Variants in RIT2 observed in about 807,000 individuals in gnomAD.
RIT2 encodes GTP-binding protein Rit2.
RIT2 carries 24 observed loss-of-function variants against 23.7 expected under a neutral mutation model. The ratio of observed to expected loss-of-function variants is 1.01; its 90% CI spans 0.73 to 1.43. RIT2 has a LOEUF of 1.43. Among genes scored for constraint, RIT2 ranks in the 40% most tolerant of loss-of-function variants. The probability of loss-of-function intolerance (pLI) is 0.00; values close to 1 mark genes in which losing one functional copy is unlikely to be tolerated. For synonymous variants in RIT2, 107 were observed against 91.1 expected, an observed-to-expected ratio of 1.17 and a Z score of -0.99; for missense variants, 236 against 266.9, an observed-to-expected ratio of 0.88 and a Z score of 0.81.
chr18:42,875,061 C>T (rs956377459), intron 4 of RIT2, among the ~76,000 whole-genome samples: 3 of 152,052 alleles, frequency 2.0e-5, no homozygotes, highest in African/African-American at 7.2e-5. Flanking sequence ...CTGGCACCCT[C>T]ATCTTTTCTA....
chr18:43,023,681 C>A (rs528033504), intron 2 of RIT2, among the ~76,000 whole-genome samples: 1 of 152,114 alleles, frequency 6.6e-6, no homozygotes, highest in African/African-American at 2.4e-5. Context: ...CTGCTATAAA[C>A]CACACACTGA....
intron 2 of RIT2, among the ~76,000 whole-genome samples, chr18:42,979,865 C>T (rs909510137): frequency 6.6e-6 from 1 of 152,050 alleles, no homozygotes; most frequent in Non-Finnish European, 1.5e-5. Flanking sequence ...AAAGCAATTG[C>T]ACTGTATTTT....
intron 3 of RIT2, among the ~76,000 whole-genome samples, chr18:42,928,612 A>G (rs1488378200): frequency 2.0e-5 from 3 of 152,040 alleles, no homozygotes. Flanking sequence ...ATGAAAATAC[A>G]GAAAAAATTA....
chr18:42,771,339 T>A (rs1314667204), intron 4 of RIT2, among the ~76,000 whole-genome samples: 1 of 152,204 alleles, frequency 6.6e-6, no homozygotes, highest in South Asian at 2.1e-4. Flanking sequence ...TTCTCTTTAA[T>A]ATTTGTTTTT....
chr18:42,767,093 AC>A (rs1467373989), intron 4 of RIT2, among the ~76,000 whole-genome samples: 6 of 152,358 alleles, frequency 3.9e-5, no homozygotes, highest in African/African-American at 1.4e-4. Flanking sequence ...GAGCCCCCAC[AC>A]AGAGTCCCTA....
At chr18:42,977,634 A>G (rs1312381705) in intron 2 of RIT2, among the ~76,000 whole-genome samples, 1 of 151,764 alleles carries the variant, frequency 6.6e-6, no homozygotes, top group Non-Finnish European at 1.5e-5. Flanking sequence ...GGCACATACA[A>G]TCATAGTCTT....
chr18:42,925,522 G>GTTT (rs1909158534), intron 3 of RIT2, among the ~76,000 whole-genome samples: 1 of 151,762 alleles, frequency 6.6e-6, no homozygotes, highest in Non-Finnish European at 1.5e-5. Flanking sequence ...AAATGGAAAA[G>GTTT]ATCCATTTTA....
intron 4 of RIT2, among the ~76,000 whole-genome samples, chr18:42,864,688 G>A (rs548796146): frequency 6.6e-6 from 1 of 152,196 alleles, no homozygotes; most frequent in East Asian, 1.9e-4. Context: ...TGAAGAACCA[G>A]ATCCTTTTTC....
At chr18:42,785,299 C>T (rs567198177) in intron 4 of RIT2, among the ~76,000 whole-genome samples, 12 of 152,066 alleles carry the variant, frequency 7.9e-5, no homozygotes, top group South Asian at 4.2e-4. Context: ...TTTTTTCATT[C>T]GCTCTGTAGG....
chr18:42,933,166 C>T (rs959697548), intron 3 of RIT2, among the ~76,000 whole-genome samples: 1 of 152,024 alleles, frequency 6.6e-6, no homozygotes, highest in African/African-American at 2.4e-5. Flanking sequence ...GATGTGCTAA[C>T]TCTATGATAA....
At chr18:42,888,959 C>T (rs1908100751) in intron 4 of RIT2, among the ~76,000 whole-genome samples, 1 of 151,990 alleles carries the variant, frequency 6.6e-6, no homozygotes, top group South Asian at 2.1e-4. Flanking sequence ...GGGTACTATG[C>T]TCAGTATCAG....
intron 3 of RIT2, among the ~76,000 whole-genome samples, chr18:42,933,639 A>G (rs1397687738): frequency 1.6e-4 from 24 of 152,132 alleles, no homozygotes; most frequent in Admixed American, 1.6e-3. Flanking sequence ...TCCTGCCACC[A>G]TGTGATGAAG....
At chr18:43,022,932 AGT>A (rs1426005416) in intron 2 of RIT2, among the ~76,000 whole-genome samples, 1 of 152,068 alleles carries the variant, frequency 6.6e-6, no homozygotes, top group Non-Finnish European at 1.5e-5. Flanking sequence ...CTGAGAAAAG[AGT>A]GTTTTTTCGA....
intron 4 of RIT2, among the ~76,000 whole-genome samples, chr18:42,755,696 AAG>A (rs1445669827): frequency 8.5e-5 from 13 of 152,326 alleles, no homozygotes; most frequent in African/African-American, 3.1e-4. Context: ...ACTGGCACTT[AAG>A]AGGGCTCATT....
intron 4 of RIT2, among the ~76,000 whole-genome samples, chr18:42,830,737 G>A (rs1906434798): frequency 1.3e-5 from 2 of 152,076 alleles, no homozygotes; most frequent in Non-Finnish European, 2.9e-5. Flanking sequence ...AAAAACAATA[G>A]ATGCTATAGG....
intron 4 of RIT2, among the ~76,000 whole-genome samples, chr18:42,883,552 TC>T (rs1346114433): frequency 1.3e-5 from 2 of 152,146 alleles, no homozygotes; most frequent in African/African-American, 4.8e-5. Flanking sequence ...TCCTTTTGCT[TC>T]GTCCAACATA....
intron 1 of RIT2, among the ~76,000 whole-genome samples, chr18:43,054,821 T>C (rs1350880632): frequency 6.6e-6 from 1 of 152,126 alleles, no homozygotes; most frequent in African/African-American, 2.4e-5. Context: ...TCACAGATTC[T>C]GTTACTCCCA....
intron 3 of RIT2, among the ~76,000 whole-genome samples, chr18:42,941,285 G>T (rs1035316802): frequency 1.3e-5 from 2 of 152,128 alleles, no homozygotes; most frequent in Non-Finnish European, 2.9e-5. Flanking sequence ...AACCCGTCAA[G>T]ATGGTATGAT....
intron 1 of RIT2, among the ~76,000 whole-genome samples, chr18:43,042,190 C>T (rs1382964854): frequency 1.3e-5 from 2 of 152,042 alleles, no homozygotes; most frequent in Admixed American, 1.3e-4. Flanking sequence ...GTTTTTGGGA[C>T]CATGAAAAAA....
Sources: gnomAD v4.1 joint callset for allele counts (sites outside exome capture counted in the v4.1 genomes callset) on GRCh38, gnomAD v4.1.1 for gene constraint, MANE v1.5 for transcripts, NCBI Gene and HGNC (gene_info 2026-07-23, HGNC 2026-07-21) for gene names.